THSD4: variants seen among roughly 807,000 people sequenced by gnomAD.
THSD4 encodes thrombospondin type-1 domain-containing protein 4.
Under a neutral mutation model 119.0 loss-of-function variants are expected in THSD4, and 69 were observed. The ratio of observed to expected loss-of-function variants is 0.58; its 90% CI spans 0.48 to 0.71. THSD4 has a LOEUF of 0.71. THSD4 is among the 30% of genes least tolerant of loss of function. The pLI is 0.00. For synonymous variants in THSD4, 524 were observed against 540.4 expected, an observed-to-expected ratio of 0.97 and a Z score of 0.42; for missense variants, 1,393 against 1,391.1, an observed-to-expected ratio of 1.00 and a Z score of -0.02.
intron 7 of THSD4, among the ~76,000 whole-genome samples, chr15:71,457,523 C>G (rs1027192884): frequency 6.6e-6 from 1 of 152,066 alleles, no homozygotes. Context: ...CTTTCAAGGT[C>G]TGGCTCCTTC....
At chr15:71,600,059 G>A (rs2049977802) in intron 7 of THSD4, among the ~76,000 whole-genome samples, 1 of 152,212 alleles carries the variant, frequency 6.6e-6, no homozygotes, top group Admixed American at 6.5e-5. Flanking sequence ...CAAAGTGACT[G>A]ATTTTGGGCA....
chr15:71,372,067 G>T (rs955296330), intron 6 of THSD4, among the ~76,000 whole-genome samples: 2 of 152,088 alleles, frequency 1.3e-5, no homozygotes, highest in African/African-American at 4.8e-5. Context: ...CCAGTTGATC[G>T]AATTGGTTAC....
At chr15:71,607,042 G>A (rs2140903256) in intron 7 of THSD4, among the ~76,000 whole-genome samples, 1 of 152,320 alleles carries the variant, frequency 6.6e-6, no homozygotes, top group East Asian at 1.9e-4. Context: ...GCCAGCTGGG[G>A]GCCACATGGT....
intron 7 of THSD4, among the ~76,000 whole-genome samples, chr15:71,640,090 C>A (rs186962515): frequency 7.3e-4 from 111 of 152,054 alleles, no homozygotes; most frequent in Admixed American, 1.8e-3. Flanking sequence ...TTGCAACTTT[C>A]TTTTTCTTTT....
chr15:71,547,300 G>A, intron 7 of THSD4: 3 of 1,513,856 alleles, frequency 2.0e-6, no homozygotes, highest in Non-Finnish European at 2.7e-6. Flanking sequence ...AACCAGCGCG[G>A]TGCCTAGCGG....
At chr15:71,625,044 G>T (rs2050483118) in intron 7 of THSD4, among the ~76,000 whole-genome samples, 1 of 152,068 alleles carries the variant, frequency 6.6e-6, no homozygotes, top group Non-Finnish European at 1.5e-5. Context: ...GTCTTGCTCT[G>T]TTTCCCAGGC....
intron 8 of THSD4, among the ~76,000 whole-genome samples, chr15:71,691,163 G>T (rs933965878): frequency 5.3e-5 from 8 of 152,148 alleles, no homozygotes; most frequent in Non-Finnish European, 1.2e-4. Flanking sequence ...TACAACTCTA[G>T]CAGCTGGAAA....
In THSD4 at chr15:71,141,447, A is replaced by G; in HGVS notation, c.-79-2A>G. 2.2e-6 allele frequency: 3 copies of G among 1,383,746 alleles called. No individual in the cohort carries two copies. Among genetic ancestry groups the G allele is most frequent in the Non-Finnish European group, 3.0e-6 (3 of 1,010,184 alleles). The allele number at this position is 1,383,746 out of a possible 1,614,324, so 85.7% of individuals were successfully genotyped here. On this transcript the variant is annotated splice_acceptor_variant, in intron 1 of 17. Transcript: ENST00000261862. LOFTEE classifies it low-confidence loss of function (5UTR_SPLICE). ...TAAAAATAACATTGTTCATTTCCAT[A>G]GGACTTGAACGCAACTCCCAATTGC...
intron 6 of THSD4, among the ~76,000 whole-genome samples, chr15:71,268,803 T>C (rs549278580): frequency 1.3e-4 from 19 of 149,608 alleles, no homozygotes; most frequent in African/African-American, 4.4e-4. Flanking sequence ...CCCACAGAAA[T>C]ACAAACTACC....
chr15:71,193,617 G>A (rs951178319), intron 3 of THSD4, among the ~76,000 whole-genome samples: 1 of 152,180 alleles, frequency 6.6e-6, no homozygotes, highest in Non-Finnish European at 1.5e-5. Flanking sequence ...ACGTGCTGTG[G>A]GAGGGACCCG....
At chr15:71,688,818 A>C (rs1192698792) in intron 8 of THSD4, among the ~76,000 whole-genome samples, 3 of 151,466 alleles carry the variant, frequency 2.0e-5, no homozygotes, top group African/African-American at 7.3e-5. Context: ...GCAAAATGTT[A>C]ACATCTTGGA....
At chr15:71,145,009 CT>C (rs538570303) in intron 2 of THSD4, among the ~76,000 whole-genome samples, 2,017 of 144,924 alleles carry the variant, frequency 0.014, 21 homozygotes, top group African/African-American at 0.03. Context: ...AAATTATGCA[CT>C]TTTTTTTTTT....
intron 6 of THSD4, among the ~76,000 whole-genome samples, chr15:71,392,356 C>G (rs1485301973): frequency 2.6e-5 from 4 of 152,180 alleles, no homozygotes; most frequent in Non-Finnish European, 5.9e-5. Flanking sequence ...ATTTGATTCA[C>G]AGACAAATCT....
At chr15:71,740,496 G>T (rs531911964) in intron 11 of THSD4, among the ~76,000 whole-genome samples, 1 of 152,310 alleles carries the variant, frequency 6.6e-6, no homozygotes, top group African/African-American at 2.4e-5. Flanking sequence ...ATGTGGAGAA[G>T]ATTCTCTTTC....
chr15:71,412,690 G>A (rs1030917802), intron 7 of THSD4, among the ~76,000 whole-genome samples: 1 of 152,116 alleles, frequency 6.6e-6, no homozygotes, highest in African/African-American at 2.4e-5. Flanking sequence ...TTGCTACAGT[G>A]TTTAATATTA....
intron 7 of THSD4, among the ~76,000 whole-genome samples, chr15:71,459,362 C>G (rs1169731037): frequency 1.7e-5 from 2 of 117,958 alleles, no homozygotes; most frequent in Admixed American, 1.8e-4. Flanking sequence ...CTCTCTCTCT[C>G]TGTCTCTCTG....
At chr15:71,230,123 G>A (rs1449465353) in intron 4 of THSD4, among the ~76,000 whole-genome samples, 1 of 152,136 alleles carries the variant, frequency 6.6e-6, no homozygotes, top group Non-Finnish European at 1.5e-5. Context: ...GGCACTGTTT[G>A]ACAGTCCCTG....
At chr15:71,635,055 GA>G (rs1300015256) in intron 7 of THSD4, among the ~76,000 whole-genome samples, 1 of 152,100 alleles carries the variant, frequency 6.6e-6, no homozygotes, top group African/African-American at 2.4e-5. Flanking sequence ...ACAAACATTT[GA>G]TGCTATTTAA....
chr15:71,265,397 G>A (rs979779793), intron 6 of THSD4, among the ~76,000 whole-genome samples: 13 of 152,140 alleles, frequency 8.5e-5, no homozygotes, highest in African/African-American at 2.9e-4. Context: ...GAGAGACTGT[G>A]CCTTGAGGAA....
Sources: allele counts gnomAD v4.1 joint callset (sites outside exome capture counted in the v4.1 genomes callset), GRCh38; gene constraint gnomAD v4.1.1; transcripts MANE v1.5; gene names NCBI Gene and HGNC (gene_info 2026-07-23, HGNC 2026-07-21).